AGO2: variants seen among roughly 807,000 people sequenced by gnomAD.
AGO2 encodes argonaute RISC catalytic component 2, also known as protein argonaute-2.
In AGO2, 5 loss-of-function variants were observed where a neutral mutation model predicts 102.3. The observed-to-expected ratio is 0.05, with a 90% CI of 0.03 to 0.10. AGO2 has a LOEUF of 0.10. Ranked by LOEUF, AGO2 falls within the 10% of genes least tolerant of loss-of-function variation. AGO2 has a pLI of 1.00. For synonymous variants in AGO2, 449 were observed against 473.1 expected (o/e 0.95, Z 0.66); for missense variants, 541 against 1,183.7 (o/e 0.46, Z 7.97).
chr8:140,544,431 C>A (rs1383435573), intron 13 of AGO2, 128 bp from the exon 14 acceptor site: 2 of 756,526 alleles, frequency 2.6e-6, no homozygotes, highest in Non-Finnish European at 4.2e-6. Context: ...GAATCCTTAT[C>A]TTTTAACCGG....
intron 1 of AGO2, among the ~76,000 whole-genome samples, chr8:140,630,412 T>C (rs1178801251): frequency 6.6e-6 from 1 of 152,228 alleles, no homozygotes; most frequent in Non-Finnish European, 1.5e-5. Context: ...GGCCTGGCGA[T>C]TTGGTCACAA....
chr8:140,621,957 C>T (rs944074739), intron 1 of AGO2, among the ~76,000 whole-genome samples: 2 of 152,186 alleles, frequency 1.3e-5, no homozygotes, highest in Admixed American at 6.5e-5. Flanking sequence ...CACAGGAAAA[C>T]TTGTACACAA....
intron 4 of AGO2, 141 bp from the exon 5 acceptor site, chr8:140,560,651 A>G: frequency 9.8e-7 from 1 of 1,015,752 alleles, no homozygotes; most frequent in Non-Finnish European, 1.4e-6. Flanking sequence ...CGTTTACCAC[A>G]CGGCACTCCA....
upstream of AGO2, among the ~76,000 whole-genome samples, chr8:140,635,921 G>T (rs918012536): frequency 6.8e-6 from 1 of 147,992 alleles, no homozygotes; most frequent in Non-Finnish European, 1.5e-5. Context: ...GGCGCGGCCC[G>T]TGTGGCGCGG....
intron 10 of AGO2, among the ~76,000 whole-genome samples, chr8:140,553,144 T>C (rs2073031170): frequency 6.6e-6 from 1 of 152,170 alleles, no homozygotes; most frequent in South Asian, 2.1e-4. Flanking sequence ...ACACCTGTAA[T>C]CCCAGCTGAG....
At chr8:140,604,418 C>T (rs982715723) in intron 1 of AGO2, among the ~76,000 whole-genome samples, 3 of 152,132 alleles carry the variant, frequency 2.0e-5, no homozygotes, top group Non-Finnish European at 2.9e-5. Flanking sequence ...TTTGGCTGGG[C>T]GCGGTGGCTC....
chr8:140,626,372 G>A (rs893347642), intron 1 of AGO2: 10 of 152,182 alleles, frequency 6.6e-5, no homozygotes, highest in African/African-American at 2.4e-4. Context: ...TAAAGACCCA[G>A]AGGTCAACAA....
intron 1 of AGO2, among the ~76,000 whole-genome samples, chr8:140,618,149 C>T (rs911484629): frequency 1.3e-5 from 2 of 151,860 alleles, no homozygotes; most frequent in Admixed American, 1.3e-4. Flanking sequence ...GGTGAAACCC[C>T]GTCTCTACTA....
chr8:140,549,011 C>T (rs1031167790), intron 12 of AGO2, 103 bp downstream of exon 12: 77 of 1,392,228 alleles, frequency 5.5e-5, no homozygotes, highest in Middle Eastern at 2.6e-4. Flanking sequence ...CCAAAAGGAG[C>T]ACCTTTCTCA....
intron 1 of AGO2, among the ~76,000 whole-genome samples, chr8:140,604,377 G>A (rs1280695485): frequency 1.3e-5 from 2 of 152,158 alleles, no homozygotes; most frequent in South Asian, 2.1e-4. Context: ...TACAAATACC[G>A]ATTCAAACAC....
intron 2 of AGO2, among the ~76,000 whole-genome samples, chr8:140,578,097 C>T (rs549855940): frequency 6.6e-6 from 1 of 152,306 alleles, no homozygotes; most frequent in Non-Finnish European, 1.5e-5. Flanking sequence ...GCCACCGGCT[C>T]GCAGCCCCCA....
At chr8:140,562,346 C>A in intron 4 of AGO2, 107 bp downstream of exon 4, 1 of 1,386,670 alleles carries the variant, frequency 7.2e-7, no homozygotes, top group Non-Finnish European at 9.6e-7. Context: ...ACCACTCCCA[C>A]CCTGGATCCA....
intron 1 of AGO2, among the ~76,000 whole-genome samples, chr8:140,623,294 CT>C (rs1338434399): frequency 6.7e-6 from 1 of 149,448 alleles, no homozygotes; most frequent in Non-Finnish European, 1.5e-5. Context: ...AGGGTCTCCT[CT>C]TGGGGGAATA....
chr8:140,595,317 T>C (rs918199959), intron 1 of AGO2, among the ~76,000 whole-genome samples: 3 of 152,120 alleles, frequency 2.0e-5, no homozygotes, highest in African/African-American at 7.2e-5. Context: ...TCCTATATTA[T>C]GCACACATAC....
At chr8:140,544,396 T>G (rs1223799789) in intron 13 of AGO2, 93 bp from the exon 14 acceptor site, 7 of 1,002,804 alleles carry the variant, frequency 7.0e-6, no homozygotes, top group Non-Finnish European at 1.0e-5. Flanking sequence ...AGGTGGTCAG[T>G]GTATCATGGT....
At chr8:140,533,318 G>A (rs927531315) in intron 17 of AGO2, among the ~76,000 whole-genome samples, 2 of 150,590 alleles carry the variant, frequency 1.3e-5, no homozygotes, top group African/African-American at 4.9e-5. Flanking sequence ...GAACCTGGGA[G>A]GCAGAGCTTG....
At chr8:140,602,010 T>C (rs952715641) in intron 1 of AGO2, among the ~76,000 whole-genome samples, 2 of 152,134 alleles carry the variant, frequency 1.3e-5, no homozygotes, top group Non-Finnish European at 2.9e-5. Context: ...CACACAGCCC[T>C]GGAAATTTAC....
chr8:140,557,264 G>A lies in AGO2; in HGVS notation c.879-28C>T, dbSNP rs373809148. 405 of 1,593,078 alleles carry A rather than the reference G, an allele frequency of 2.5e-4. No homozygotes were observed. The African/African-American group carries it at 4.6e-3, about 18-fold the overall frequency. On this transcript the variant is annotated intron_variant, in intron 7 of 18. Coordinates refer to ENST00000220592, the MANE Select transcript of AGO2 (RefSeq NM_012154.5). The surrounding 1 kb of genome is among the most constrained non-coding windows in gnomAD (Gnocchi z 5.9). The stretch of plus-strand genomic sequence containing the variant: ...GAGGAGCAAAGGGGCTGTTCAGGCC[G>A]AGGGCATCCCGGAGCCCCTTCCCCT...
chr8:140,558,524 C>T lies in AGO2; in HGVS notation c.839G>A (p.Arg280His). 2 of 1,614,224 alleles carry T rather than the reference C, an allele frequency of 1.2e-6. No individual in the cohort carries two copies. Among genetic ancestry groups the T allele is most frequent in the Non-Finnish European group, 8.5e-7 (1 of 1,180,046 alleles). Residue 280 changes from arginine (R) to histidine (H), a missense_variant, in exon 7 of 19, where the codon CGC (arginine) becomes CAC (histidine). Around this residue, in one of 6 missense-constraint regions of AGO2, gnomAD observed 38 missense variants for 68.1 expected, o/e 0.56. Transcript: ENST00000220592. The part of the protein sequence containing the change: ...THCGQMKRKY[R>H]VCNVTRRPAS... ...GGGCCGCCGGGTCACATTGCAGACG[C>T]GGTACTTCCTCTTCATCTGCCCACA... is the stretch of plus-strand genomic sequence containing the variant.
Sources: allele counts gnomAD v4.1 joint callset (sites outside exome capture counted in the v4.1 genomes callset), GRCh38; gene constraint gnomAD v4.1.1; regional missense constraint gnomAD v4.1.1; non-coding constraint Gnocchi (gnomAD v3.1); transcripts MANE v1.5; gene names NCBI Gene and HGNC (gene_info 2026-07-23, HGNC 2026-07-21).